ITPR2: variants seen among roughly 807,000 people sequenced by gnomAD.
The protein encoded by ITPR2 is inositol 1,4,5-trisphosphate-gated calcium channel ITPR2.
In ITPR2, 207 loss-of-function variants were observed where a neutral mutation model predicts 317.1. That is an observed-to-expected ratio of 0.65 (90% CI 0.58 to 0.73). The LOEUF (loss-of-function observed/expected upper bound fraction) is 0.73. ITPR2 is among the 30% of genes least tolerant of loss of function. The pLI is 0.00. For synonymous variants in ITPR2, 1,156 were observed against 1,149.1 expected, an observed-to-expected ratio of 1.01 and a Z score of -0.12; for missense variants, 2,613 against 3,284.0, an observed-to-expected ratio of 0.80 and a Z score of 4.99.
At chr12:26,685,174 C>T (rs925784543) in intron 11 of ITPR2, among the ~76,000 whole-genome samples, 1 of 152,184 alleles carries the variant, frequency 6.6e-6, no homozygotes. Context: ...ACTGCTCCAT[C>T]AAGGCCAATT....
intron 1 of ITPR2, among the ~76,000 whole-genome samples, chr12:26,815,333 A>G (rs1285619712): frequency 1.3e-5 from 2 of 152,000 alleles, no homozygotes; most frequent in African/African-American, 4.8e-5. Flanking sequence ...CTCAGTCTCA[A>G]AAAAAAAGGA....
At chr12:26,772,519 A>AT (rs1949882049) in intron 2 of ITPR2, among the ~76,000 whole-genome samples, 2 of 88,278 alleles carry the variant, frequency 2.3e-5, no homozygotes, top group African/African-American at 3.3e-5. Flanking sequence ...TATATAATAC[A>AT]TTATTATATA....
chr12:26,428,816 T>G (rs1049866551), intron 48 of ITPR2, among the ~76,000 whole-genome samples: 1 of 152,214 alleles, frequency 6.6e-6, no homozygotes, highest in Non-Finnish European at 1.5e-5. Context: ...TGCACTGACA[T>G]GTGCATTCAA....
chr12:26,736,005 C>A (rs1454917294), intron 2 of ITPR2, among the ~76,000 whole-genome samples: 5 of 152,168 alleles, frequency 3.3e-5, no homozygotes, highest in Admixed American at 3.3e-4. Context: ...TTACATGTAA[C>A]TCTATATTCA....
intron 2 of ITPR2, among the ~76,000 whole-genome samples, chr12:26,767,058 G>A (rs1949733142): frequency 6.6e-6 from 1 of 152,078 alleles, no homozygotes. Context: ...GGGAAAACAA[G>A]GCTGCCAGTC....
At chr12:26,733,071 C>A (rs1245065440) in intron 2 of ITPR2, among the ~76,000 whole-genome samples, 1 of 152,002 alleles carries the variant, frequency 6.6e-6, no homozygotes, top group Non-Finnish European at 1.5e-5. Context: ...GTGGCTCATG[C>A]CTGTAATCCC....
intron 26 of ITPR2, among the ~76,000 whole-genome samples, chr12:26,606,373 C>T (rs966940635): frequency 2.0e-5 from 3 of 152,120 alleles, no homozygotes; most frequent in South Asian, 4.1e-4. Flanking sequence ...TGGGAAACAG[C>T]TTAGTGCAGT....
intron 26 of ITPR2, among the ~76,000 whole-genome samples, chr12:26,605,721 A>C (rs1946115353): frequency 6.6e-6 from 1 of 152,196 alleles, no homozygotes; most frequent in Non-Finnish European, 1.5e-5. Flanking sequence ...ACAATGCTAA[A>C]CTCTGTATGT....
intron 9 of ITPR2, among the ~76,000 whole-genome samples, chr12:26,697,116 T>G (rs1000653327): frequency 6.6e-6 from 1 of 152,114 alleles, no homozygotes; most frequent in African/African-American, 2.4e-5. Context: ...GTCCATAGAA[T>G]CCATAGAGTC....
intron 37 of ITPR2, among the ~76,000 whole-genome samples, chr12:26,514,173 G>A (rs571634453): frequency 6.6e-6 from 1 of 152,246 alleles, no homozygotes; most frequent in Non-Finnish European, 1.5e-5. Flanking sequence ...TTTGTTAAAA[G>A]CTTCCAACTA....
intron 37 of ITPR2, among the ~76,000 whole-genome samples, chr12:26,517,663 C>T (rs1475200562): frequency 6.6e-6 from 1 of 152,114 alleles, no homozygotes; most frequent in African/African-American, 2.4e-5. Flanking sequence ...CATGGCAAAA[C>T]CACATCTCTC....
At chr12:26,544,454 G>A (rs977515381) in intron 37 of ITPR2, among the ~76,000 whole-genome samples, 4 of 151,756 alleles carry the variant, frequency 2.6e-5, no homozygotes, top group African/African-American at 7.3e-5. Context: ...TAACAAACTC[G>A]GGAAATTTAG....
chr12:26,782,831 C>T (rs2137185121), intron 2 of ITPR2, among the ~76,000 whole-genome samples: 1 of 152,330 alleles, frequency 6.6e-6, no homozygotes, highest in South Asian at 2.1e-4. Context: ...TCAACAACAA[C>T]AACTGAAAGT....
At chr12:26,759,734 T>G (rs1949594751) in intron 2 of ITPR2, among the ~76,000 whole-genome samples, 2 of 152,234 alleles carry the variant, frequency 1.3e-5, no homozygotes, top group Non-Finnish European at 2.9e-5. Context: ...GGGCTCCTTA[T>G]GACCTCCACA....
At chr12:26,433,159 TATA>T (rs1941258953) in intron 48 of ITPR2, among the ~76,000 whole-genome samples, 1 of 152,220 alleles carries the variant, frequency 6.6e-6, no homozygotes, top group East Asian at 1.9e-4. Flanking sequence ...CATCCAGAAC[TATA>T]ACCAGATGAC....
At chr12:26,725,173 A>C (rs1208825552) in intron 3 of ITPR2, among the ~76,000 whole-genome samples, 1 of 152,188 alleles carries the variant, frequency 6.6e-6, no homozygotes, top group Non-Finnish European at 1.5e-5. Flanking sequence ...CCAGGATAAT[A>C]GTAGAATTTC....
chr12:26,339,287 T>C lies in ITPR2; in HGVS notation c.*110A>G. The C allele has an allele frequency of 2.2e-6, 2 of 900,212 alleles. No individual in the cohort carries two copies. Among genetic ancestry groups the C allele is most frequent in the Admixed American group, 4.6e-5 (2 of 43,728 alleles). 55.8% of individuals were successfully genotyped at this position (900,212 alleles called of 1,614,324 possible). On this transcript the variant is annotated 3_prime_UTR_variant, in exon 57 of 57. Coordinates refer to ENST00000381340, the MANE Select transcript of ITPR2 (RefSeq NM_002223.4). ...CACTCAACATCTTGGCACTTGGTTG[T>C]TTTTAACTTTTCAACAATAGGCACT...
chr12:26,419,406 A>G, intron 49 of ITPR2, 193 bp from the exon 50 acceptor site: 1 of 541,050 alleles, frequency 1.8e-6, no homozygotes, highest in Non-Finnish European at 3.2e-6. Context: ...CTCATTTTGT[A>G]GGTCTTCAGC....
At chr12:26,696,092 G>A (rs1227068547) in intron 9 of ITPR2, among the ~76,000 whole-genome samples, 1 of 152,122 alleles carries the variant, frequency 6.6e-6, no homozygotes, top group Non-Finnish European at 1.5e-5. Context: ...GAGCAAAAAA[G>A]GAGCTACATA....
Sources: gnomAD v4.1 joint callset for allele counts (sites outside exome capture counted in the v4.1 genomes callset) on GRCh38, gnomAD v4.1.1 for gene constraint, MANE v1.5 for transcripts, NCBI Gene and HGNC (gene_info 2026-07-23, HGNC 2026-07-21) for gene names.